SMCHD1: variants seen among roughly 807,000 people sequenced by gnomAD.
The protein encoded by SMCHD1 is structural maintenance of chromosomes flexible hinge domain-containing protein 1.
A neutral mutation model predicts 254.7 loss-of-function variants in SMCHD1; 78 were observed. The ratio of observed to expected loss-of-function variants is 0.31; its 90% CI spans 0.26 to 0.37. SMCHD1 has a LOEUF of 0.37. Among genes scored for constraint, SMCHD1 ranks in the 10% least tolerant of loss-of-function variants. The pLI, the probability that SMCHD1 is intolerant of heterozygous loss-of-function variation, is 1.00. For synonymous variants in SMCHD1, 766 were observed against 794.9 expected (o/e 0.96, Z 0.61); for missense variants, 1,840 against 2,408.1 (o/e 0.76, Z 4.94).
At chr18:2,664,220 A>T (rs1356056751) in intron 1 of SMCHD1, among the ~76,000 whole-genome samples, 1 of 152,168 alleles carries the variant, frequency 6.6e-6, no homozygotes, top group Admixed American at 6.5e-5. Context: ...CTGAATATGT[A>T]TTATCAAACC....
At chr18:2,759,134 G>C (rs540004455) in intron 34 of SMCHD1, among the ~76,000 whole-genome samples, 17 of 152,056 alleles carry the variant, frequency 1.1e-4, no homozygotes, top group Non-Finnish European at 2.1e-4. Flanking sequence ...TTTCATTCTA[G>C]TTCTGTCCTT....
intron 17 of SMCHD1, among the ~76,000 whole-genome samples, chr18:2,709,151 G>A (rs1038136775): frequency 4.0e-5 from 6 of 148,814 alleles, no homozygotes; most frequent in East Asian, 2.0e-4. Context: ...GGCCTGTTTC[G>A]CTTAGCATAG....
At chr18:2,739,597 C>G in intron 27 of SMCHD1, 77 bp downstream of exon 27, 1 of 1,098,192 alleles carries the variant, frequency 9.1e-7, no homozygotes, top group Non-Finnish European at 1.4e-6. Flanking sequence ...GTTTTAGATA[C>G]CTAATCTGAA....
chr18:2,722,823 CTG>C (rs2074953648), intron 20 of SMCHD1, among the ~76,000 whole-genome samples, 160 bp downstream of exon 20: 1 of 152,150 alleles, frequency 6.6e-6, no homozygotes, highest in Non-Finnish European at 1.5e-5. Flanking sequence ...AAGCTATCCT[CTG>C]TGACTAGTGT....
Position 2,718,854 on chromosome 18 carries a change from A to G in SMCHD1, c.2458+420A>G, listed in dbSNP as rs1029802204. On this transcript the variant is annotated intron_variant, in intron 19 of 47. Transcript: ENST00000320876. The surrounding 1 kb of genome is among the most constrained non-coding windows in gnomAD (Gnocchi z 4.6). ...AGATGTGAGCCACCGTGCCCGGCCCATTTTGATTTTCAAATAGCTTTGTAA... is the reference window on the plus strand; with the variant it reads ...AGATGTGAGCCACCGTGCCCGGCCCGTTTTGATTTTCAAATAGCTTTGTAA... Among the ~76,000 whole-genome samples the G allele has an allele frequency of 2.6e-5, 4 of 152,060 alleles. No homozygotes were observed. The highest frequency in any genetic ancestry group is 2.6e-4 in the Admixed American group (4 of 15,248).
chr18:2,657,295 C>T (rs1260505852), intron 1 of SMCHD1, among the ~76,000 whole-genome samples: 1 of 152,158 alleles, frequency 6.6e-6, no homozygotes, highest in Non-Finnish European at 1.5e-5. Context: ...GTCCCAGCGT[C>T]TAGAACTGTG....
At chr18:2,688,236 G>A (rs1224760932) in intron 5 of SMCHD1, among the ~76,000 whole-genome samples, 158 bp from the exon 6 acceptor site, 3 of 152,220 alleles carry the variant, frequency 2.0e-5, no homozygotes. Context: ...ACTTTGAGAT[G>A]CACTGGAGTA....
chr18:2,756,816 A>G (rs919535347), intron 34 of SMCHD1, among the ~76,000 whole-genome samples: 4 of 152,174 alleles, frequency 2.6e-5, no homozygotes, highest in African/African-American at 4.8e-5. Context: ...CTGTCAGACT[A>G]TTAATTTTAT....
intron 47 of SMCHD1, chr18:2,796,958 A>C (rs982616770): frequency 6.6e-6 from 1 of 152,090 alleles, no homozygotes. Flanking sequence ...TTTTAAATTA[A>C]AAAAAATAAA....
At chr18:2,801,100 T>C (rs2076353424) in intron 47 of SMCHD1, 1 of 152,118 alleles carries the variant, frequency 6.6e-6, no homozygotes, top group Non-Finnish European at 1.5e-5. Flanking sequence ...ATTCAGACTA[T>C]TAGGAATCTA....
chr18:2,673,168 C>A, intron 3 of SMCHD1, 113 bp from the exon 4 acceptor site: 1 of 1,382,374 alleles, frequency 7.2e-7, no homozygotes, highest in Non-Finnish European at 9.5e-7. Context: ...CAGGATAATA[C>A]TTTAATTCTA....
At chr18:2,729,201 G>A in intron 23 of SMCHD1, 74 bp from the exon 24 acceptor site, 1 of 1,225,380 alleles carries the variant, frequency 8.2e-7, no homozygotes, top group Admixed American at 3.7e-5. Flanking sequence ...TGAATTATTT[G>A]AAACTTTGAA....
At chr18:2,663,721 A>ATTTTTTT (rs577543378) in intron 1 of SMCHD1, among the ~76,000 whole-genome samples, 8,217 of 146,398 alleles carry the variant, frequency 0.056, 598 homozygotes, top group African/African-American at 0.16. Context: ...TATTCCAGGA[A>ATTTTTTT]TTTTTTTTTT....
chr18:2,667,960 A>G (rs919611968), intron 3 of SMCHD1, among the ~76,000 whole-genome samples: 10 of 151,852 alleles, frequency 6.6e-5, no homozygotes, highest in African/African-American at 2.2e-4. Flanking sequence ...GCTCACTGCA[A>G]CCTCTGCCTC....
chr18:2,699,177 A>G (rs1276638381), intron 10 of SMCHD1, among the ~76,000 whole-genome samples: 1 of 152,096 alleles, frequency 6.6e-6, no homozygotes, highest in African/African-American at 2.4e-5. Context: ...TCCCTGCCTT[A>G]GTTTCCTTAC....
At chr18:2,800,002 G>C (rs1056863777) in intron 47 of SMCHD1, among the ~76,000 whole-genome samples, 2 of 152,026 alleles carry the variant, frequency 1.3e-5, no homozygotes, top group Non-Finnish European at 2.9e-5. Flanking sequence ...TTCATTTTGC[G>C]TTCACGTTTG....
chr18:2,802,243 C>G (rs997425448), intron 47 of SMCHD1, among the ~76,000 whole-genome samples: 11 of 151,992 alleles, frequency 7.2e-5, no homozygotes, highest in Admixed American at 4.6e-4. Flanking sequence ...GAAAAATCTG[C>G]AGAATTTAGG....
chr18:2,702,749 G>T (rs1335336803), intron 12 of SMCHD1, among the ~76,000 whole-genome samples: 1 of 152,096 alleles, frequency 6.6e-6, no homozygotes, highest in Non-Finnish European at 1.5e-5. Context: ...TAATAACTAA[G>T]ATAGTATCCT....
At chr18:2,782,743 T>C (rs73367804) in intron 44 of SMCHD1, among the ~76,000 whole-genome samples, 26,347 of 56,150 alleles carry the variant, frequency 0.47, 3,565 homozygotes, top group South Asian at 0.55. Flanking sequence ...AGACCACAAC[T>C]CAAAAAAAAA....
Sources: allele counts gnomAD v4.1 joint callset (sites outside exome capture counted in the v4.1 genomes callset), GRCh38; gene constraint gnomAD v4.1.1; non-coding constraint Gnocchi (gnomAD v3.1); transcripts MANE v1.5; gene names NCBI Gene and HGNC (gene_info 2026-07-23, HGNC 2026-07-21).